Variants in SP1 observed in about 807,000 individuals in gnomAD.
SP1 encodes Sp1 transcription factor, also known as transcription factor Sp1.
A neutral mutation model predicts 66.3 loss-of-function variants in SP1; 6 were observed. That is an observed-to-expected ratio of 0.09 (90% CI 0.05 to 0.18). The LOEUF (loss-of-function observed/expected upper bound fraction) is 0.18. Ranked by LOEUF, SP1 falls within the 10% of genes least tolerant of loss-of-function variation. The pLI, the probability that SP1 is intolerant of heterozygous loss-of-function variation, is 1.00. For missense variants in SP1, 848 were observed against 964.5 expected, an observed-to-expected ratio of 0.88 and a Z score of 1.60; for synonymous variants, 417 against 360.8, an observed-to-expected ratio of 1.16 and a Z score of -1.77.
chr12:53,383,233 C>G lies in SP1; in HGVS notation c.1286C>G (p.Ala429Gly). Residue 429 changes from alanine to glycine, a missense_variant, in exon 3 of 6, where the codon GCC becomes GGC. Ala to Gly is a moderately conservative substitution (Grantham distance 60, BLOSUM62 0). This residue lies in a region of SP1 where 606 missense variants were observed against 589.9 expected (regional missense o/e 1.03). Coordinates refer to ENST00000327443, the MANE Select transcript of SP1 (RefSeq NM_138473.3). ...TCAGGGCAGACCTTTACAACTCAAGCCATCTCCCAGGAAACCCTCCAGAAC... is the reference window on the plus strand; with the variant it reads ...TCAGGGCAGACCTTTACAACTCAAGGCATCTCCCAGGAAACCCTCCAGAAC... Reference protein sequence around the residue: ...PLSGQTFTTQAISQETLQNLQ... With the variant: ...PLSGQTFTTQGISQETLQNLQ... The G allele has an allele frequency of 6.2e-7, 1 of 1,614,214 alleles. No homozygotes were observed. The highest frequency in any genetic ancestry group is 1.3e-5 in the African/African-American group (1 of 75,050).
Position 53,406,594 on chromosome 12 carries a change from G to A in SP1, c.1685G>A (p.Gly562Glu), listed in dbSNP as rs1289164365. 1.2e-6 allele frequency: 2 copies of A among 1,613,818 alleles called. No homozygotes were observed. The highest frequency in any genetic ancestry group is 1.7e-6 in the Non-Finnish European group (2 of 1,179,884). ...TCTCTCTTAATTTCAGGTGATCATGGAGCTCAGCTTGGTCTCCATGGGGCT... is the reference window on the plus strand; with the variant it reads ...TCTCTCTTAATTTCAGGTGATCATGAAGCTCAGCTTGGTCTCCATGGGGCT... ...LAIANAPGDHGAQLGLHGAGG... is the reference protein window; with the variant it reads ...LAIANAPGDHEAQLGLHGAGG... Residue 562 changes from glycine (G) to glutamate (E), a missense_variant, in exon 4 of 6, where the codon GGA (glycine) becomes GAA (glutamate). Around this residue, in one of 7 missense-constraint regions of SP1, gnomAD observed 606 missense variants for 589.9 expected, o/e 1.03. Coordinates refer to ENST00000327443, the MANE Select transcript of SP1 (RefSeq NM_138473.3).
At chr12:53,380,597 G>A in intron 1 of SP1, 1 of 1,010,228 alleles carries the variant, frequency 9.9e-7, no homozygotes, top group Non-Finnish European at 1.2e-6. Flanking sequence ...CCCGCCTGAG[G>A]CTCCTCCCGC....
At chr12:53,384,810 C>T (rs1314958936) in intron 3 of SP1, among the ~76,000 whole-genome samples, 2 of 151,994 alleles carry the variant, frequency 1.3e-5, no homozygotes, top group Non-Finnish European at 2.9e-5. Context: ...CATGGCGAAA[C>T]CCTGTCTTCG....
At chr12:53,395,187 A>T (rs1052946465) in intron 3 of SP1, among the ~76,000 whole-genome samples, 1 of 152,024 alleles carries the variant, frequency 6.6e-6, no homozygotes, top group African/African-American at 2.4e-5. Flanking sequence ...CTGAAAATAC[A>T]AAAGTAGCTG....
rs1433427223 is a variant in SP1, at chr12:53,413,096, A to G, written c.*1856A>G. ...TGGGTGAATGTGTGTTCATGCCCGT[A>G]TATGTCTACACACAGATGACAAATT... On this transcript the variant is annotated 3_prime_UTR_variant, in exon 6 of 6. Transcript: ENST00000327443. 6.6e-6 allele frequency: 1 copy of G among 152,636 alleles called. No individual in the cohort carries two copies. The highest frequency in any genetic ancestry group is 2.4e-5 in the African/African-American group (1 of 41,442). The allele number at this position is 152,636 out of a possible 1,614,324, so 9.5% of individuals were successfully genotyped here.
intron 2 of SP1, 24 bp downstream of exon 2, chr12:53,381,837 G>T: frequency 6.2e-7 from 1 of 1,601,230 alleles, no homozygotes; most frequent in South Asian, 1.1e-5. Context: ...ATAGAGTGGG[G>T]AAGGTGTTGA....
rs1489303182 is a variant in SP1 at position 53,385,601 on chromosome 12, A to AT, written c.1675+1979_1675+1980insT. The stretch of plus-strand genomic sequence containing the variant: ...CAGAGCGAGACTCCGTCTCAAAAAA[A>AT]AAAAAAATAAATAAAAATAAATTTG... On this transcript the variant is annotated intron_variant, in intron 3 of 5. Coordinates refer to ENST00000327443, the MANE Select transcript of SP1 (RefSeq NM_138473.3). Among the ~76,000 whole-genome samples, 16 of 142,514 alleles carry AT rather than the reference A, an allele frequency of 1.1e-4. No homozygotes were observed. The South Asian group carries it at 1.3e-3, about 12-fold the overall frequency. 93.5% of individuals were successfully genotyped at this position (142,514 alleles called of 152,430 possible).
In SP1 at chr12:53,383,579, G is replaced by A. The variant is rs760499732; in HGVS notation, c.1632G>A (p.Val544=). 1 of 1,613,008 alleles carries A rather than the reference G, an allele frequency of 6.2e-7. No homozygotes were observed. The highest frequency in any genetic ancestry group is 8.5e-7 in the Non-Finnish European group (1 of 1,179,642). Residue 544 remains valine (V), a synonymous_variant, in exon 3 of 6, where the codon GTG becomes GTA. Transcript: ENST00000327443. ...CATTGGGTACTTCAGGAATCCAGGT[G>A]CACCCAATTCAAGGCCTGCCGTTGG... is the stretch of plus-strand genomic sequence containing the variant. The part of the protein sequence containing the change: ...LSALGTSGIQ[V]HPIQGLPLAI...
Position 53,382,546 on chromosome 12 carries a change from G to A in SP1, c.599G>A (p.Gly200Asp), listed in dbSNP as rs1413008210. ...ACTGGGGCCCAAGTGCAGCAGGATG[G>A]TTCTGGTCAAATACAGATCATACCA... is the stretch of plus-strand genomic sequence containing the variant. ...AATGAQVQQD[G>D]SGQIQIIPGA... Residue 200 changes from glycine to aspartate, a missense_variant, in exon 3 of 6, where the codon GGT becomes GAT. Coordinates refer to ENST00000327443, the MANE Select transcript of SP1 (RefSeq NM_138473.3). 1 of 1,614,176 alleles carries A rather than the reference G, an allele frequency of 6.2e-7. No individual in the cohort carries two copies. Among genetic ancestry groups the A allele is most frequent in the Admixed American group, 1.7e-5 (1 of 60,008 alleles).
Position 53,406,768 on chromosome 12 carries a change from C to G in SP1, c.1844+15C>G. On this transcript the variant is annotated intron_variant, in intron 4 of 5. Coordinates refer to ENST00000327443, the MANE Select transcript of SP1 (RefSeq NM_138473.3). Reference sequence around the variant, plus strand: ...AGTGAAGGAAGGTGAGTTGACCCAGCCAGTTTCTTACAAATATAAAGAAAA... The same window carrying G: ...AGTGAAGGAAGGTGAGTTGACCCAGGCAGTTTCTTACAAATATAAAGAAAA... 1 of 1,595,598 alleles carries G rather than the reference C, an allele frequency of 6.3e-7. No homozygotes were observed. Among genetic ancestry groups the G allele is most frequent in the African/African-American group, 1.4e-5 (1 of 74,058 alleles).
chr12:53,416,108 C>CT lies in SP1; in HGVS notation c.*4869dup, dbSNP rs1335521921. Reference sequence around the variant, plus strand: ...CACTGGCAATAACCAGTCCACACCACTGTTGCCTTTTAAAACCTCTTAATA... The same window carrying CT: ...CACTGGCAATAACCAGTCCACACCACTTGTTGCCTTTTAAAACCTCTTAATA... On this transcript the variant is annotated 3_prime_UTR_variant, in exon 6 of 6. Coordinates refer to ENST00000327443, the MANE Select transcript of SP1 (RefSeq NM_138473.3). The CT allele has an allele frequency of 6.6e-6, 1 of 152,666 alleles. No individual in the cohort carries two copies. The highest frequency in any genetic ancestry group is 2.4e-5 in the African/African-American group (1 of 41,448). 9.5% of individuals were successfully genotyped at this position (152,666 alleles called of 1,614,324 possible). A position where few individuals can be genotyped will look rare whatever the true frequency, so the allele number is the denominator to read the frequency against.
Position 53,415,829 on chromosome 12 carries a change from A to G in SP1, c.*4589A>G, listed in dbSNP as rs1333529254. ...AGTTTCCCGGTAACTGCTCTTGAAC[A>G]TTGTGGACAAGGGCAGGTCTTCATA... On this transcript the variant is annotated 3_prime_UTR_variant, in exon 6 of 6. Transcript: ENST00000327443. The G allele has an allele frequency of 6.6e-6, 1 of 152,526 alleles. No homozygotes were observed. The highest frequency in any genetic ancestry group is 1.5e-5 in the Non-Finnish European group (1 of 68,054). 9.4% of individuals were successfully genotyped at this position (152,526 alleles called of 1,614,324 possible).
chr12:53,395,464 T>C (rs1938467138), intron 3 of SP1, among the ~76,000 whole-genome samples: 1 of 152,196 alleles, frequency 6.6e-6, no homozygotes, highest in Non-Finnish European at 1.5e-5. Context: ...GAAATTCAGT[T>C]ATACTTATGA....
chr12:53,380,713 C>G (rs1396975666), intron 1 of SP1: 1 of 969,180 alleles, frequency 1.0e-6, no homozygotes. Flanking sequence ...GCCCTCCTCC[C>G]CCCACTTTCC....
At chr12:53,405,997 AAT>A (rs1938727230) in intron 3 of SP1, among the ~76,000 whole-genome samples, 1 of 94,928 alleles carries the variant, frequency 1.1e-5, no homozygotes, top group African/African-American at 5.7e-5. Flanking sequence ...AAAGTATAAT[AAT>A]AAAAAAAAAC....
At chr12:53,381,961 A>C (rs1938110631) in intron 2 of SP1, 148 bp downstream of exon 2, 1 of 1,056,388 alleles carries the variant, frequency 9.5e-7, no homozygotes, top group African/African-American at 2.1e-5. Context: ...CCAAAGACAA[A>C]GGAGTTTCAG....
At chr12:53,395,570 G>C (rs1252852390) in intron 3 of SP1, among the ~76,000 whole-genome samples, 1 of 152,136 alleles carries the variant, frequency 6.6e-6, no homozygotes, top group Admixed American at 6.6e-5. Flanking sequence ...AAGTAAAAAT[G>C]AGTTCCAGTT....
At position 53,383,606 on chromosome 12, in the gene SP1, T is replaced by C. The variant is rs750968520; in HGVS notation, c.1659T>C (p.Ala553=). ...ACCCAATTCAAGGCCTGCCGTTGGC[T>C]ATAGCAAATGCCCCAGGTAAGATTT... ...QVHPIQGLPL[A]IANAPGDHGA... Residue 553 remains alanine, a synonymous_variant, in exon 3 of 6, where the codon GCT becomes GCC. Transcript: ENST00000327443. 7.5e-6 allele frequency: 12 copies of C among 1,606,850 alleles called. No individual in the cohort carries two copies. In the South Asian group the frequency reaches 1.2e-4, roughly 16 times the overall value.
intron 5 of SP1, among the ~76,000 whole-genome samples, chr12:53,409,791 C>G (rs989305642): frequency 6.6e-6 from 1 of 152,024 alleles, no homozygotes; most frequent in African/African-American, 2.4e-5. Context: ...GGGCAGATCA[C>G]GAGGTCAGGA....
Sources: allele counts gnomAD v4.1 joint callset (sites outside exome capture counted in the v4.1 genomes callset), GRCh38; gene constraint gnomAD v4.1.1; regional missense constraint gnomAD v4.1.1; transcripts MANE v1.5; gene names NCBI Gene and HGNC (gene_info 2026-07-23, HGNC 2026-07-21).